The following PRKN variants were observed in gnomAD, a reference collection of about 807,000 sequenced individuals.
PRKN encodes the protein parkin RBR E3 ubiquitin protein ligase.
Under a neutral mutation model 59.5 loss-of-function variants are expected in PRKN, and 56 were observed. The observed-to-expected ratio is 0.94, with a 90% CI of 0.76 to 1.18. The LOEUF (loss-of-function observed/expected upper bound fraction) is 1.18, where lower values mean the gene tolerates loss of function less well. Ranked by LOEUF, PRKN falls within the 50% of genes most tolerant of loss-of-function variation. The probability of loss-of-function intolerance (pLI) is 0.00; values close to 1 mark genes in which losing one functional copy is unlikely to be tolerated. For synonymous variants in PRKN, 250 were observed against 222.1 expected, an observed-to-expected ratio of 1.13 and a Z score of -1.12; for missense variants, 657 against 596.4, an observed-to-expected ratio of 1.10 and a Z score of -1.06.
intron 8 of PRKN, among the ~76,000 whole-genome samples, chr6:161,564,939 C>T (rs1396064176): frequency 1.3e-5 from 2 of 152,196 alleles, no homozygotes; most frequent in Non-Finnish European, 2.9e-5. Context: ...TCCACAAGCT[C>T]GATGTGAAGT....
intron 1 of PRKN, among the ~76,000 whole-genome samples, chr6:162,703,457 C>A (rs1778229453): frequency 6.6e-6 from 1 of 152,076 alleles, no homozygotes; most frequent in African/African-American, 2.4e-5. Context: ...TTTCTAAACA[C>A]CTGGAATTGA....
chr6:162,141,441 C>A (rs1382505587), intron 4 of PRKN, among the ~76,000 whole-genome samples: 2 of 152,130 alleles, frequency 1.3e-5, no homozygotes, highest in Non-Finnish European at 2.9e-5. Flanking sequence ...ACTGTGCAAT[C>A]TACAGTTTAA....
intron 7 of PRKN, among the ~76,000 whole-genome samples, chr6:161,654,422 C>A (rs1185428430): frequency 6.6e-6 from 1 of 152,106 alleles, no homozygotes; most frequent in Non-Finnish European, 1.5e-5. Flanking sequence ...ACTGATGACA[C>A]AGCAAAGTCT....
Position 161,451,129 on chromosome 6 carries a change from C to T in PRKN, c.1084-64252G>A, listed in dbSNP as rs1391877952. ...TGGCAAGGGGCTAACTTCTGCATGA[C>T]GTGTTTCCATGTTATTTCTCTTAGG... On this transcript the variant is annotated intron_variant, in intron 9 of 11. Transcript: ENST00000366898. The surrounding 1 kb of genome is among the most constrained non-coding windows in gnomAD (Gnocchi z 5.9). Among the ~76,000 whole-genome samples the T allele has an allele frequency of 2.0e-5, 3 of 152,114 alleles. No homozygotes were observed. Among genetic ancestry groups the T allele is most frequent in the East Asian group, 1.9e-4 (1 of 5,182 alleles).
chr6:161,452,860 C>G (rs912566627), intron 9 of PRKN, among the ~76,000 whole-genome samples: 6 of 151,550 alleles, frequency 4.0e-5, no homozygotes, highest in Admixed American at 1.3e-4. Flanking sequence ...CAAATTCTCT[C>G]TCTCTCTCTC....
intron 1 of PRKN, among the ~76,000 whole-genome samples, chr6:162,527,765 C>T (rs1430225320): frequency 6.6e-6 from 1 of 152,084 alleles, no homozygotes; most frequent in Non-Finnish European, 1.5e-5. Flanking sequence ...CAATATAGCT[C>T]TCATCAGCAC....
chr6:162,175,868 G>A (rs1171553059), intron 4 of PRKN, among the ~76,000 whole-genome samples: 1 of 152,190 alleles, frequency 6.6e-6, no homozygotes, highest in East Asian at 1.9e-4. Flanking sequence ...GTAAATATCT[G>A]TGCTGCCCCA....
rs541427622 is a variant in PRKN, at chr6:161,461,572, T to C, written c.1084-74695A>G. 8.5e-5 allele frequency among the ~76,000 whole-genome samples: 13 copies of C among 152,226 alleles called. No individual in the cohort carries two copies. The highest frequency in any genetic ancestry group is 3.1e-4 in the African/African-American group (13 of 41,534). On this transcript the variant is annotated intron_variant, in intron 9 of 11. Coordinates refer to ENST00000366898, the MANE Select transcript of PRKN (RefSeq NM_004562.3). The surrounding 1 kb of genome is among the most constrained non-coding windows in gnomAD (Gnocchi z 5.1). ...AAGAGGAGGTGGATGCAGGAATCAC[T>C]GGCCTTCTGGAATCAATCAGTTATC...
chr6:161,601,493 C>T (rs1386928923), intron 7 of PRKN, among the ~76,000 whole-genome samples: 1 of 151,900 alleles, frequency 6.6e-6, no homozygotes, highest in African/African-American at 2.4e-5. Flanking sequence ...AACATTAATT[C>T]TTCTTTAAGT....
chr6:161,437,675 C>A (rs1788990277), intron 9 of PRKN, among the ~76,000 whole-genome samples: 3 of 152,062 alleles, frequency 2.0e-5, no homozygotes, highest in South Asian at 4.1e-4. Context: ...TGTATAAAAA[C>A]CAAGCATCAT....
intron 6 of PRKN, among the ~76,000 whole-genome samples, chr6:161,787,302 T>C (rs1377678215): frequency 6.6e-6 from 1 of 152,200 alleles, no homozygotes; most frequent in Non-Finnish European, 1.5e-5. Flanking sequence ...ATGCCATGGA[T>C]GTGTAAGTAA....
At chr6:162,310,604 G>A (rs1393444776) in intron 2 of PRKN, among the ~76,000 whole-genome samples, 3 of 152,010 alleles carry the variant, frequency 2.0e-5, no homozygotes, top group Admixed American at 2.0e-4. Context: ...GTGGGGTGGG[G>A]GGAGCGGGGA....
At chr6:162,273,636 G>C (rs987537606) in intron 2 of PRKN, among the ~76,000 whole-genome samples, 2 of 152,144 alleles carry the variant, frequency 1.3e-5, no homozygotes, top group Non-Finnish European at 2.9e-5. Context: ...TTTCACAGTG[G>C]CTGAAGAAGG....
At chr6:161,583,550 T>C (rs550075792) in intron 7 of PRKN, among the ~76,000 whole-genome samples, 18 of 152,292 alleles carry the variant, frequency 1.2e-4, no homozygotes, top group East Asian at 1.9e-4. Context: ...AATAGCTTTG[T>C]TTTCATTGCC....
chr6:161,552,416 A>G lies in PRKN; in HGVS notation c.934-3413T>C, dbSNP rs1780057622. On this transcript the variant is annotated intron_variant, in intron 8 of 11. Transcript: ENST00000366898. The surrounding 1 kb of genome is among the most constrained non-coding windows in gnomAD (Gnocchi z 4.9). ...TCCACCTATGACTGTGAATGATCTC[A>G]CGGTGATCCTCCAAGCCTCTCTCCC... Among the ~76,000 whole-genome samples, 3 of 47,232 alleles carry G rather than the reference A, an allele frequency of 6.4e-5. No homozygotes were observed. Among genetic ancestry groups the G allele is most frequent in the Admixed American group, 1.7e-4 (1 of 6,016 alleles). 31.0% of individuals were successfully genotyped at this position (47,232 alleles called of 152,430 possible). A position where few individuals can be genotyped will look rare whatever the true frequency, so the allele number is the denominator to read the frequency against.
Position 161,584,481 on chromosome 6 carries a change from TG to T in PRKN, c.872-15066del, listed in dbSNP as rs891799911. 3.3e-5 allele frequency among the ~76,000 whole-genome samples: 5 copies of T among 152,156 alleles called. No individual in the cohort carries two copies. Among genetic ancestry groups the T allele is most frequent in the African/African-American group, 4.8e-5 (2 of 41,434 alleles). Reference sequence around the variant, plus strand: ...CTATTATAATCTTCATGTGCCAAATTGGGGGAAAAAACCTTATGGCTGGCCT... The same window carrying T: ...CTATTATAATCTTCATGTGCCAAATTGGGGAAAAAACCTTATGGCTGGCCT... On this transcript the variant is annotated intron_variant, in intron 7 of 11. Transcript: ENST00000366898. The surrounding 1 kb of genome is among the most constrained non-coding windows in gnomAD (Gnocchi z 4.8).
At chr6:162,020,639 A>C (rs945924793) in intron 5 of PRKN, among the ~76,000 whole-genome samples, 1 of 152,206 alleles carries the variant, frequency 6.6e-6, no homozygotes, top group African/African-American at 2.4e-5. Context: ...AAGCATTTCA[A>C]AAAACATCTT....
At chr6:162,419,051 A>G (rs927606866) in intron 2 of PRKN, among the ~76,000 whole-genome samples, 1 of 151,912 alleles carries the variant, frequency 6.6e-6, no homozygotes, top group Non-Finnish European at 1.5e-5. Context: ...GGCTCCAGGA[A>G]AAGCAGGTGC....
chr6:161,349,976 C>A lies in PRKN; in HGVS notation c.*123G>T. ...GGCTGTAGTTGGACTTTGAAAAAAACTTGAAGAGTGTGTGTGCGCGCGCGC... is the reference window on the plus strand; with the variant it reads ...GGCTGTAGTTGGACTTTGAAAAAAAATTGAAGAGTGTGTGTGCGCGCGCGC... On this transcript the variant is annotated 3_prime_UTR_variant, in exon 12 of 12. Transcript: ENST00000366898. This position sits in a 1 kb window ranked among gnomAD's most constrained non-coding sequence, Gnocchi z 5.5. 1 of 730,054 alleles carries A rather than the reference C, an allele frequency of 1.4e-6. No homozygotes were observed. Among genetic ancestry groups the A allele is most frequent in the South Asian group, 1.5e-5 (1 of 67,320 alleles). The allele number at this position is 730,054 out of a possible 1,614,324, so 45.2% of individuals were successfully genotyped here. A position where few individuals can be genotyped will look rare whatever the true frequency, so the allele number is the denominator to read the frequency against.
Sources: allele counts gnomAD v4.1 joint callset (sites outside exome capture counted in the v4.1 genomes callset), GRCh38; gene constraint gnomAD v4.1.1; non-coding constraint Gnocchi (gnomAD v3.1); transcripts MANE v1.5; gene names NCBI Gene and HGNC (gene_info 2026-07-23, HGNC 2026-07-21).